The following ABI2 variants were observed in gnomAD, a reference collection of about 807,000 sequenced individuals.
ABI2 encodes the protein abl interactor 2.
ABI2 carries 25 observed loss-of-function variants against 59.2 expected under a neutral mutation model. That is an observed-to-expected ratio of 0.42 (90% CI 0.31 to 0.59). The LOEUF is 0.59. ABI2 is among the 20% of genes least tolerant of loss of function. The pLI is 0.14. For synonymous variants in ABI2, 213 were observed against 235.5 expected (o/e 0.90, Z 0.87); for missense variants, 545 against 681.8 (o/e 0.80, Z 2.23).
intron 1 of ABI2, among the ~76,000 whole-genome samples, chr2:203,331,365 T>TTTTTTTA (rs2073297408): frequency 1.4e-5 from 2 of 143,806 alleles, no homozygotes; most frequent in South Asian, 4.6e-4. Flanking sequence ...TTTTTTTTTT[T>TTTTTTTA]TTTCTGAGAC....
rs772701066 is a variant in ABI2, at chr2:203,328,506, G to A, written c.-9G>A. 62 of 1,598,582 alleles carry A rather than the reference G, an allele frequency of 3.9e-5. No individual in the cohort carries two copies. The highest frequency in any genetic ancestry group is 3.3e-4 in the Middle Eastern group (2 of 5,986). On this transcript the variant is annotated 5_prime_UTR_variant, in exon 1 of 12. Coordinates refer to ENST00000261018, the MANE Select transcript of ABI2 (RefSeq NM_001375670.1). ...CCTGTATGAGGAGGAGGAGGAGGAG[G>A]ATGTGAAGATGGCGGAGCTGCAGAT...
intron 1 of ABI2, among the ~76,000 whole-genome samples, chr2:203,365,704 A>G (rs1013779809): frequency 1.5e-5 from 2 of 130,918 alleles, no homozygotes; most frequent in African/African-American, 5.9e-5. Context: ...ATCTTGGCTC[A>G]CTGCCTTCTC....
intron 1 of ABI2, among the ~76,000 whole-genome samples, chr2:203,329,895 G>A (rs1399138413): frequency 6.6e-6 from 1 of 151,768 alleles, no homozygotes; most frequent in East Asian, 1.9e-4. Context: ...CGCCACCACA[G>A]CCGGCTAATT....
intron 1 of ABI2, among the ~76,000 whole-genome samples, chr2:203,359,835 T>C (rs1423772743): frequency 1.3e-5 from 1 of 74,574 alleles, no homozygotes; most frequent in Non-Finnish European, 3.5e-5. Context: ...GGTTCCAACA[T>C]GTACATTTTT....
intron 1 of ABI2, among the ~76,000 whole-genome samples, chr2:203,343,122 G>A (rs2081006092): frequency 6.6e-6 from 1 of 152,178 alleles, no homozygotes; most frequent in South Asian, 2.1e-4. Context: ...CAAGCACCTG[G>A]GGAGGCTGAG....
At chr2:203,390,465 C>T (rs1441773946) in intron 4 of ABI2, among the ~76,000 whole-genome samples, 1 of 152,066 alleles carries the variant, frequency 6.6e-6, no homozygotes, top group Non-Finnish European at 1.5e-5. Context: ...AACCCTGTCT[C>T]TACTAAAATA....
In ABI2 at chr2:203,417,085, A is replaced by G. The variant is rs2097920739; in HGVS notation, c.1453+4A>G. On this transcript the variant is annotated splice_donor_region_variant and intron_variant, in intron 11 of 11. Transcript: ENST00000261018. ...CCACGTTCTTACTTGGAAAAGGGTA[A>G]GTTTCAGAAGGATATCTGGATAGAT... 4 of 1,607,104 alleles carry G rather than the reference A, an allele frequency of 2.5e-6. No individual in the cohort carries two copies. Among genetic ancestry groups the G allele is most frequent in the East Asian group, 2.2e-5 (1 of 44,654 alleles).
chr2:203,352,444 T>C (rs904980734), intron 1 of ABI2, among the ~76,000 whole-genome samples: 1 of 152,130 alleles, frequency 6.6e-6, no homozygotes, highest in Admixed American at 6.5e-5. Context: ...ATAAGTGTTA[T>C]TGCCTGTGAT....
intron 9 of ABI2, among the ~76,000 whole-genome samples, chr2:203,408,063 T>G (rs1232889288): frequency 6.6e-6 from 1 of 152,118 alleles, no homozygotes; most frequent in African/African-American, 2.4e-5. Flanking sequence ...GGAACTGAAT[T>G]TTTGAACATG....
In ABI2 at chr2:203,396,766, T is replaced by C. The variant is rs1262156265; in HGVS notation, c.851-19T>C. The C allele has an allele frequency of 6.6e-6, 10 of 1,515,778 alleles. No individual in the cohort carries two copies. Among genetic ancestry groups the C allele is most frequent in the Non-Finnish European group, 8.8e-6 (10 of 1,138,204 alleles). 93.9% of individuals were successfully genotyped at this position (1,515,778 alleles called of 1,614,324 possible). A position where few individuals can be genotyped will look rare whatever the true frequency, so the allele number is the denominator to read the frequency against. Reference sequence around the variant, plus strand: ...TGATTGCCTCATTAATGCTGCCTCTTACTCCTCTTTCCCCTCAGCCCCTGC... The same window carrying C: ...TGATTGCCTCATTAATGCTGCCTCTCACTCCTCTTTCCCCTCAGCCCCTGC... On this transcript the variant is annotated intron_variant, in intron 7 of 11. Transcript: ENST00000261018.
At chr2:203,355,246 C>T (rs766819729) in intron 1 of ABI2, 3 of 361,400 alleles carry the variant, frequency 8.3e-6, no homozygotes, top group African/African-American at 6.2e-5. Context: ...GTGGCTCATT[C>T]CTGTAATCCT....
In ABI2 at chr2:203,396,941, C is replaced by A. The variant is rs1452363210; in HGVS notation, c.1007C>A (p.Pro336His). 1 of 1,513,782 alleles carries A rather than the reference C, an allele frequency of 6.6e-7. No homozygotes were observed. The highest frequency in any genetic ancestry group is 1.4e-5 in the African/African-American group (1 of 72,118). 93.8% of individuals were successfully genotyped at this position (1,513,782 alleles called of 1,614,324 possible). The part of the protein sequence containing the change: ...LADGFTSPTP[P>H]VVSSTPPTGH... ...GATGGCTTCACTTCTCCAACTCCCC[C>A]TGTTGTTTCTTCCACTCCCCCTACA... Residue 336 changes from proline (P) to histidine (H), a missense_variant, in exon 8 of 12, where the codon CCT becomes CAT. Physicochemically the swap from Pro to His is moderately conservative, Grantham distance 77 (BLOSUM62 -2). This residue lies in a region of ABI2 where 410 missense variants were observed against 435.6 expected (regional missense o/e 0.94). Transcript: ENST00000261018.
At chr2:203,342,643 G>A (rs1000839327) in intron 1 of ABI2, among the ~76,000 whole-genome samples, 12 of 151,600 alleles carry the variant, frequency 7.9e-5, no homozygotes, top group Non-Finnish European at 1.5e-4. Flanking sequence ...GCAGTGGCGT[G>A]ATCTCAGCTC....
intron 1 of ABI2, among the ~76,000 whole-genome samples, chr2:203,333,614 A>G (rs886328585): frequency 6.6e-6 from 1 of 152,236 alleles, no homozygotes; most frequent in Non-Finnish European, 1.5e-5. Flanking sequence ...CCATTCCTCA[A>G]GAAATTAGTC....
chr2:203,380,487 A>T, intron 3 of ABI2, 103 bp downstream of exon 3: 1 of 753,666 alleles, frequency 1.3e-6, no homozygotes, highest in Non-Finnish European at 2.0e-6. Context: ...TAGAGGACAA[A>T]GTCTTGGCCC....
intron 1 of ABI2, among the ~76,000 whole-genome samples, chr2:203,329,426 G>C (rs904408336): frequency 1.3e-5 from 2 of 150,868 alleles, no homozygotes; most frequent in African/African-American, 4.9e-5. Context: ...ATGGAGGCGG[G>C]GGATACCGGA....
At chr2:203,372,020 A>T (rs1475187945) in intron 2 of ABI2, among the ~76,000 whole-genome samples, 1 of 151,972 alleles carries the variant, frequency 6.6e-6, no homozygotes, top group Non-Finnish European at 1.5e-5. Flanking sequence ...AGGGAAGGTC[A>T]GCAGATAAAC....
At chr2:203,410,409 TTTTC>T (rs1165464898) in intron 9 of ABI2, among the ~76,000 whole-genome samples, 1 of 152,222 alleles carries the variant, frequency 6.6e-6, no homozygotes, top group Non-Finnish European at 1.5e-5. Context: ...GAGTAATCTT[TTTTC>T]TTTCTTTTTT....
chr2:203,367,142 C>T (rs1224036155), intron 2 of ABI2, 98 bp downstream of exon 2: 1 of 1,363,098 alleles, frequency 7.3e-7, no homozygotes, highest in Non-Finnish European at 9.5e-7. Flanking sequence ...TAAGTTAACT[C>T]ACATGTACGA....
Sources: allele counts gnomAD v4.1 joint callset (sites outside exome capture counted in the v4.1 genomes callset), GRCh38; gene constraint gnomAD v4.1.1; regional missense constraint gnomAD v4.1.1; transcripts MANE v1.5; gene names NCBI Gene and HGNC (gene_info 2026-07-23, HGNC 2026-07-21).